Variants in CNTN5 observed in about 807,000 individuals in gnomAD.
CNTN5 encodes the protein contactin-5.
CNTN5 carries 77 observed loss-of-function variants against 129.1 expected under a neutral mutation model. The observed-to-expected ratio is 0.60, with a 90% CI of 0.50 to 0.72. The LOEUF is 0.72. Ranked by LOEUF, CNTN5 falls within the 30% of genes least tolerant of loss-of-function variation. CNTN5 has a pLI of 0.00. For synonymous variants in CNTN5, 509 were observed against 465.6 expected, an observed-to-expected ratio of 1.09 and a Z score of -1.20; for missense variants, 1,478 against 1,328.8, an observed-to-expected ratio of 1.11 and a Z score of -1.75.
chr11:100,086,904 G>A (rs1944578328), intron 13 of CNTN5, among the ~76,000 whole-genome samples: 2 of 151,554 alleles, frequency 1.3e-5, no homozygotes, highest in African/African-American at 2.4e-5. Flanking sequence ...ATCGCTCTAT[G>A]TATTTATGTT....
chr11:100,004,405 A>G (rs114115133), intron 9 of CNTN5, among the ~76,000 whole-genome samples: 300 of 152,130 alleles, frequency 2.0e-3, no homozygotes, highest in African/African-American at 6.6e-3. Context: ...CTCAATTTCA[A>G]TATCACTCCT....
intron 1 of CNTN5, among the ~76,000 whole-genome samples, chr11:99,073,545 C>T (rs968807509): frequency 4.0e-5 from 6 of 151,864 alleles, no homozygotes; most frequent in Admixed American, 1.3e-4. Flanking sequence ...CTTTCCCTCC[C>T]CTTGTCCCCC....
chr11:99,659,582 T>C (rs1389511505), intron 3 of CNTN5, among the ~76,000 whole-genome samples: 2 of 152,108 alleles, frequency 1.3e-5, no homozygotes, highest in East Asian at 3.9e-4. Flanking sequence ...CCAAAATCTG[T>C]GGAGTAGGCT....
At chr11:100,150,321 A>T (rs2138304623) in intron 13 of CNTN5, among the ~76,000 whole-genome samples, 1 of 152,266 alleles carries the variant, frequency 6.6e-6, no homozygotes, top group South Asian at 2.1e-4. Flanking sequence ...AACTGAGTAA[A>T]ATATATGGCT....
rs142272908 is a variant in CNTN5 at position 99,843,320 on chromosome 11, T to C, written c.278-1532T>C. Among the ~76,000 whole-genome samples, 200 of 152,302 alleles carry C rather than the reference T, an allele frequency of 1.3e-3. 1 individual carries two copies. The highest frequency in any genetic ancestry group is 4.4e-3 in the African/African-American group (185 of 41,574). On this transcript the variant is annotated intron_variant, in intron 4 of 24. Transcript: ENST00000524871. ...GTGACTGCTCAATTTTTATTTGGTT[T>C]AGAATACTGTGAAAACTTTTGTTTT...
intron 1 of CNTN5, among the ~76,000 whole-genome samples, chr11:99,247,786 T>C (rs1376338073): frequency 1.3e-5 from 2 of 152,148 alleles, no homozygotes; most frequent in Admixed American, 1.3e-4. Context: ...ACAAAGGACA[T>C]GAACTCATCA....
chr11:100,086,887 A>G lies in CNTN5; in HGVS notation c.1580+12593A>G, dbSNP rs149437584. On this transcript the variant is annotated intron_variant, in intron 13 of 24. Transcript: ENST00000524871. ...TTCCTTGTATTTCAGAATATAAGGG[A>G]AAATTTATCGCTCTATGTATTTATG... 1.7e-3 allele frequency among the ~76,000 whole-genome samples: 251 copies of G among 151,796 alleles called. 1 individual carries two copies. The highest frequency in any genetic ancestry group is 5.5e-3 in the African/African-American group (229 of 41,536).
At chr11:99,705,544 A>T (rs1954717230) in intron 3 of CNTN5, among the ~76,000 whole-genome samples, 1 of 151,416 alleles carries the variant, frequency 6.6e-6, no homozygotes, top group South Asian at 2.1e-4. Flanking sequence ...TGATTCACTT[A>T]AGCAAGTATT....
chr11:99,787,171 T>C (rs1036110077), intron 3 of CNTN5, among the ~76,000 whole-genome samples: 1 of 151,142 alleles, frequency 6.6e-6, no homozygotes, highest in African/African-American at 2.4e-5. Context: ...CTGCACGTTT[T>C]GGCTTTAAGA....
chr11:99,286,749 A>T (rs1863956077), intron 1 of CNTN5, among the ~76,000 whole-genome samples: 1 of 151,938 alleles, frequency 6.6e-6, no homozygotes, highest in South Asian at 2.1e-4. Flanking sequence ...GGATTTATAG[A>T]TTCAAGCAAA....
chr11:99,977,446 G>T (rs188089383), intron 8 of CNTN5, among the ~76,000 whole-genome samples: 3 of 152,078 alleles, frequency 2.0e-5, no homozygotes, highest in African/African-American at 7.2e-5. Context: ...TTTTCACACC[G>T]CTATGAAGAG....
chr11:100,190,523 A>T (rs1006444586), intron 13 of CNTN5, among the ~76,000 whole-genome samples: 2 of 152,108 alleles, frequency 1.3e-5, no homozygotes, highest in Admixed American at 1.3e-4. Context: ...TCCAGTTTTA[A>T]CAAAGGTCTT....
chr11:100,280,415 C>G (rs1213136805), intron 18 of CNTN5, among the ~76,000 whole-genome samples: 3 of 151,996 alleles, frequency 2.0e-5, no homozygotes, highest in African/African-American at 7.2e-5. Context: ...GAATTCACCC[C>G]TTTATCTTTA....
At position 99,669,464 on chromosome 11, in the gene CNTN5, GTGTGTGTGTATA is replaced by G. The variant is rs759755673; in HGVS notation, c.55+113201_55+113212del. On this transcript the variant is annotated intron_variant, in intron 3 of 24. Transcript: ENST00000524871. ...ATGGTGTGTGTGTGTGTGTGTGTGT[GTGTGTGTGTATA>G]TGTGTATACATATATACACATATAT... Among the ~76,000 whole-genome samples the G allele has an allele frequency of 5.1e-3, 449 of 88,908 alleles. 2 individuals are homozygous for G. The highest frequency in any genetic ancestry group is 0.014 in the Admixed American group (105 of 7,532). The allele number at this position is 88,908 out of a possible 152,430, so 58.3% of individuals were successfully genotyped here. A position where few individuals can be genotyped will look rare whatever the true frequency, so the allele number is the denominator to read the frequency against.
chr11:99,045,754 T>G (rs535296153), intron 1 of CNTN5, among the ~76,000 whole-genome samples: 1 of 152,294 alleles, frequency 6.6e-6, no homozygotes, highest in African/African-American at 2.4e-5. Flanking sequence ...GAAGTAATAC[T>G]TAGTAAACAA....
intron 15 of CNTN5, among the ~76,000 whole-genome samples, chr11:100,209,905 C>A (rs1204607552): frequency 6.6e-6 from 1 of 152,138 alleles, no homozygotes. Context: ...TGTGTTATCA[C>A]TGACTTTGCT....
rs548331476 is a variant in CNTN5, at chr11:99,276,199, C to CA, written c.-209-49144dup. On this transcript the variant is annotated intron_variant, in intron 1 of 24. Coordinates refer to ENST00000524871, the MANE Select transcript of CNTN5 (RefSeq NM_014361.4). ...TACAGGTATAAGATGGATCTTGCTTCAAAGTTAAAACATTTGTCGCATTCA... is the reference window on the plus strand; with the variant it reads ...TACAGGTATAAGATGGATCTTGCTTCAAAAGTTAAAACATTTGTCGCATTCA... Among the ~76,000 whole-genome samples, 23 of 151,754 alleles carry CA rather than the reference C, an allele frequency of 1.5e-4. 1 individual carries two copies. In the South Asian group the frequency reaches 4.8e-3, roughly 31 times the overall value.
chr11:99,201,289 G>T (rs138682447), intron 1 of CNTN5, among the ~76,000 whole-genome samples: 12,984 of 143,720 alleles, frequency 0.09, 616 homozygotes, highest in African/African-American at 0.11. Context: ...CTCCCAAAGT[G>T]CTGGGATTAC....
At chr11:99,698,985 A>T (rs1015608617) in intron 3 of CNTN5, among the ~76,000 whole-genome samples, 5 of 151,294 alleles carry the variant, frequency 3.3e-5, no homozygotes, top group Admixed American at 6.6e-5. Flanking sequence ...CATAAAAATT[A>T]AAACTTTTTT....
Sources: gnomAD v4.1 joint callset for allele counts (sites outside exome capture counted in the v4.1 genomes callset) on GRCh38, gnomAD v4.1.1 for gene constraint, MANE v1.5 for transcripts, NCBI Gene and HGNC (gene_info 2026-07-23, HGNC 2026-07-21) for gene names.